Variants in GMDS observed in about 807,000 individuals in gnomAD.
GMDS encodes the protein GDP-mannose 4,6-dehydratase.
In GMDS, 20 loss-of-function variants were observed where a neutral mutation model predicts 49.9. The ratio of observed to expected loss-of-function variants is 0.40; its 90% CI spans 0.28 to 0.58. The LOEUF (loss-of-function observed/expected upper bound fraction) is 0.58. Among genes scored for constraint, GMDS ranks in the 20% least tolerant of loss-of-function variants. GMDS has a pLI of 0.42. For synonymous variants in GMDS, 177 were observed against 178.6 expected, an observed-to-expected ratio of 0.99 and a Z score of 0.07; for missense variants, 362 against 481.4, an observed-to-expected ratio of 0.75 and a Z score of 2.32.
chr6:2,153,866 A>G (rs1776969693), intron 1 of GMDS, among the ~76,000 whole-genome samples: 1 of 152,194 alleles, frequency 6.6e-6, no homozygotes, highest in Non-Finnish European at 1.5e-5. Context: ...AAAAGGCAGA[A>G]CTGTATGCAG....
At chr6:1,888,136 T>TA (rs113883366) in intron 7 of GMDS, among the ~76,000 whole-genome samples, 8,492 of 95,810 alleles carry the variant, frequency 0.089, 310 homozygotes, top group East Asian at 0.19. Context: ...TTATTATTAT[T>TA]TTTTTTTTTT....
intron 4 of GMDS, among the ~76,000 whole-genome samples, chr6:2,017,928 G>T (rs1261737601): frequency 6.6e-6 from 1 of 152,122 alleles, no homozygotes; most frequent in Non-Finnish European, 1.5e-5. Flanking sequence ...GAAGAAAGCT[G>T]CATACGCTGC....
intron 7 of GMDS, among the ~76,000 whole-genome samples, chr6:1,835,414 A>G (rs1019221156): frequency 2.0e-5 from 3 of 152,204 alleles, no homozygotes; most frequent in Non-Finnish European, 4.4e-5. Context: ...GATCAGCAGC[A>G]TTCTTTGTAG....
chr6:2,195,797 C>T (rs1255430950), intron 1 of GMDS, among the ~76,000 whole-genome samples: 28 of 129,140 alleles, frequency 2.2e-4, no homozygotes, highest in South Asian at 4.9e-4. Flanking sequence ...CCCTGGGCAA[C>T]ATAAGAAAGA....
intron 7 of GMDS, among the ~76,000 whole-genome samples, chr6:1,890,523 C>T (rs1451014203): frequency 6.6e-6 from 1 of 152,120 alleles, no homozygotes; most frequent in East Asian, 1.9e-4. Context: ...ATTTGGTAGG[C>T]TGCTTTTTTA....
chr6:2,064,439 T>C (rs535314921), intron 4 of GMDS, among the ~76,000 whole-genome samples: 60 of 152,294 alleles, frequency 3.9e-4, no homozygotes, highest in Admixed American at 3.0e-3. Context: ...CATGCTTACA[T>C]ACTTGATGCA....
At chr6:1,961,063 ATG>A in intron 4 of GMDS, 97 bp from the exon 5 acceptor site, 3 of 569,890 alleles carry the variant, frequency 5.3e-6, no homozygotes, top group Non-Finnish European at 8.9e-6. Context: ...ACACTGTGAA[ATG>A]TTGGTGAGAA....
chr6:2,192,214 C>G (rs1056255920), intron 1 of GMDS, among the ~76,000 whole-genome samples: 3 of 152,080 alleles, frequency 2.0e-5, no homozygotes, highest in Admixed American at 6.5e-5. Context: ...TTGGGATGAC[C>G]AGCTGCAGAG....
intron 1 of GMDS, among the ~76,000 whole-genome samples, chr6:2,190,654 T>C (rs1185285809): frequency 6.6e-6 from 1 of 152,164 alleles, no homozygotes; most frequent in African/African-American, 2.4e-5. Flanking sequence ...ACATGTTTTT[T>C]TGCAAAAAAG....
intron 1 of GMDS, among the ~76,000 whole-genome samples, chr6:2,172,076 C>G (rs185401737): frequency 6.6e-6 from 1 of 152,154 alleles, no homozygotes. Context: ...CTCCCAACCC[C>G]CACGAAAAGC....
chr6:2,007,207 T>C (rs772447321), intron 4 of GMDS, among the ~76,000 whole-genome samples: 2 of 152,190 alleles, frequency 1.3e-5, no homozygotes, highest in East Asian at 1.9e-4. Context: ...AATTATCCCA[T>C]GAAACCACAA....
chr6:1,938,911 G>A (rs115742246), intron 6 of GMDS, among the ~76,000 whole-genome samples: 8,617 of 149,370 alleles, frequency 0.058, 339 homozygotes, highest in Non-Finnish European at 0.087. Context: ...AATCTAAGTC[G>A]GCCATTTAAC....
chr6:1,891,536 C>T (rs993227452), intron 7 of GMDS, among the ~76,000 whole-genome samples: 1 of 152,194 alleles, frequency 6.6e-6, no homozygotes, highest in Non-Finnish European at 1.5e-5. Context: ...AAAGAAACTG[C>T]CACTTAGTAT....
rs1554123178 is a variant in GMDS, at chr6:1,819,776, A to ATATAT, written c.772-77191_772-77190insATATA. On this transcript the variant is annotated intron_variant, in intron 7 of 10. Coordinates refer to ENST00000380815, the MANE Select transcript of GMDS (RefSeq NM_001500.4). Reference sequence around the variant, plus strand: ...ACTCTGCCTCAAAAAAAAAAAAAAAAATATATATATATATATATATATCTA... The same window carrying ATATAT: ...ACTCTGCCTCAAAAAAAAAAAAAAAATATATATATATATATATATATATATATCTA... Among the ~76,000 whole-genome samples the ATATAT allele has an allele frequency of 6.5e-4, 67 of 103,508 alleles. 1 individual carries two copies. In the East Asian group the frequency reaches 0.011, roughly 17 times the overall value. 67.9% of individuals were successfully genotyped at this position (103,508 alleles called of 152,430 possible). A position where few individuals can be genotyped will look rare whatever the true frequency, so the allele number is the denominator to read the frequency against.
At chr6:1,776,453 C>T (rs1231212181) in intron 7 of GMDS, among the ~76,000 whole-genome samples, 5 of 151,024 alleles carry the variant, frequency 3.3e-5, no homozygotes, top group African/African-American at 9.8e-5. Flanking sequence ...TTTGGGGGGC[C>T]GAGGCATGGA....
At chr6:1,874,130 G>A (rs1476135556) in intron 7 of GMDS, among the ~76,000 whole-genome samples, 1 of 152,234 alleles carries the variant, frequency 6.6e-6, no homozygotes, top group African/African-American at 2.4e-5. Flanking sequence ...TTGGCCTCCG[G>A]TGCTAGGAGT....
At chr6:2,074,622 T>A (rs1772215056) in intron 4 of GMDS, among the ~76,000 whole-genome samples, 1 of 152,222 alleles carries the variant, frequency 6.6e-6, no homozygotes, top group Non-Finnish European at 1.5e-5. Context: ...TGTTTTATTC[T>A]AGTAGTTTTA....
intron 7 of GMDS, among the ~76,000 whole-genome samples, chr6:1,794,897 G>A (rs1159472603): frequency 6.6e-6 from 1 of 152,088 alleles, no homozygotes; most frequent in Non-Finnish European, 1.5e-5. Flanking sequence ...TCTAAAATGA[G>A]GCTGGGGTCA....
intron 7 of GMDS, among the ~76,000 whole-genome samples, chr6:1,873,471 T>C (rs1758875302): frequency 6.6e-6 from 1 of 152,196 alleles, no homozygotes; most frequent in Non-Finnish European, 1.5e-5. Flanking sequence ...AGGATGCCTA[T>C]ATTGGGGCCA....
Sources: gnomAD v4.1 joint callset for allele counts (sites outside exome capture counted in the v4.1 genomes callset) on GRCh38, gnomAD v4.1.1 for gene constraint, MANE v1.5 for transcripts, NCBI Gene and HGNC (gene_info 2026-07-23, HGNC 2026-07-21) for gene names.